PDZD7: variants seen among roughly 807,000 people sequenced by gnomAD.
PDZD7 encodes PDZ domain-containing protein 7.
A neutral mutation model predicts 84.7 loss-of-function variants in PDZD7; 72 were observed. That is an observed-to-expected ratio of 0.85 (90% CI 0.70 to 1.03). The LOEUF (loss-of-function observed/expected upper bound fraction) is 1.03. Among genes scored for constraint, PDZD7 ranks in the 50% least tolerant of loss-of-function variants. The pLI is 0.00. For synonymous variants in PDZD7, 594 were observed against 580.7 expected (o/e 1.02, Z -0.33); for missense variants, 1,490 against 1,412.9 (o/e 1.05, Z -0.87).
At position 101,029,974 on chromosome 10, in the gene PDZD7, T is replaced by A; in HGVS notation, c.226+20A>T. The A allele has an allele frequency of 1.4e-6, 2 of 1,440,728 alleles. No homozygotes were observed. Among genetic ancestry groups the A allele is most frequent in the East Asian group, 5.0e-5 (2 of 39,940 alleles). The allele number at this position is 1,440,728 out of a possible 1,614,324, so 89.2% of individuals were successfully genotyped here. A position where few individuals can be genotyped will look rare whatever the true frequency, so the allele number is the denominator to read the frequency against. The stretch of plus-strand genomic sequence containing the variant: ...CCCCACCCTCCCCAACCCAGGCCAG[T>A]GGCTGGGTCCCGCCCCTACCTTCGA... On this transcript the variant is annotated intron_variant, in intron 2 of 16. Coordinates refer to ENST00000619208, the MANE Select transcript of PDZD7 (RefSeq NM_001195263.2).
intron 14 of PDZD7, 200 bp from the exon 15 acceptor site, chr10:101,011,083 G>A: frequency 7.1e-7 from 1 of 1,414,206 alleles, no homozygotes; most frequent in South Asian, 1.5e-5. Flanking sequence ...ATCTCACTCT[G>A]TTGCCCAGGC....
At chr10:101,008,940 C>A in intron 16 of PDZD7, 90 bp from the exon 17 acceptor site, 1 of 1,399,842 alleles carries the variant, frequency 7.1e-7, no homozygotes, top group South Asian at 1.5e-5. Context: ...TCACCTCCAC[C>A]CATGAGGACA....
chr10:101,019,586 CTCTTCT>C (rs1187649427), intron 7 of PDZD7, among the ~76,000 whole-genome samples: 39 of 126,670 alleles, frequency 3.1e-4, no homozygotes, highest in African/African-American at 1.1e-3. Flanking sequence ...CCTCCTCCTC[CTCTTCT>C]TCTTCTTCTT....
At chr10:101,028,662 G>GGA (rs1279984131) in intron 2 of PDZD7, among the ~76,000 whole-genome samples, 1 of 152,024 alleles carries the variant, frequency 6.6e-6, no homozygotes, top group Non-Finnish European at 1.5e-5. Flanking sequence ...AAAGGGAAGG[G>GGA]GAGAGAGAGA....
Position 101,010,480 on chromosome 10 carries a change from AG to A in PDZD7, c.2408del (p.Pro803LeufsTer5). On this transcript the variant is annotated frameshift_variant, in exon 15 of 17. Coordinates refer to ENST00000619208, the MANE Select transcript of PDZD7 (RefSeq NM_001195263.2). LOFTEE classifies it high-confidence loss of function. ...GRRSPSPVPT[P>X]APSMTNGRYH... is the part of the protein sequence containing the mutation. ...AGCGCCCATTGGTCATGCTGGGGGC[AG>A]GGGTAGGCACCGGGGATGGGGAGCG... is the stretch of plus-strand genomic sequence containing the variant. 1 of 1,535,238 alleles carries A rather than the reference AG, an allele frequency of 6.5e-7. No homozygotes were observed. Among genetic ancestry groups the A allele is most frequent in the Non-Finnish European group, 8.7e-7 (1 of 1,146,312 alleles).
At position 101,018,086 on chromosome 10, in the gene PDZD7, G is replaced by A; in HGVS notation, c.1522+13C>T. 6.2e-7 allele frequency: 1 copy of A among 1,614,134 alleles called. No individual in the cohort carries two copies. Among genetic ancestry groups the A allele is most frequent in the South Asian group, 1.1e-5 (1 of 91,086 alleles). ...TTCACTTTGCCTTCCTGTTTGATCA[G>A]CCCACTACTTACCTTTCTCTATGTC... On this transcript the variant is annotated intron_variant, in intron 9 of 16. Coordinates refer to ENST00000619208, the MANE Select transcript of PDZD7 (RefSeq NM_001195263.2).
intron 15 of PDZD7, among the ~76,000 whole-genome samples, chr10:101,009,827 G>C (rs1036718582): frequency 2.0e-5 from 3 of 152,018 alleles, no homozygotes; most frequent in South Asian, 2.1e-4. Context: ...GGCTGGTCTT[G>C]AACTCCTGAC....
At chr10:101,021,657 A>G in intron 6 of PDZD7, 141 bp downstream of exon 6, 1 of 1,342,274 alleles carries the variant, frequency 7.5e-7, no homozygotes. Flanking sequence ...TTCTTCTTCA[A>G]AACAGGGATG....
rs750975516 is a variant in PDZD7, at chr10:101,023,469, G to A, written c.509C>T (p.Pro170Leu). ...HMMVRRMGRV[P>L]GIKFSKEKTT... ...CTTCTCCTTGGAGAACTTGATGCCC[G>A]GCACACGGCCCATGCGCCGAACCAT... Residue 170 changes from proline (P) to leucine (L), a missense_variant, in exon 4 of 17, where the codon CCG (proline) becomes CTG (leucine). Physicochemically the swap from Pro to Leu is moderately conservative, Grantham distance 98. Transcript: ENST00000619208. 30 of 1,613,912 alleles carry A rather than the reference G, an allele frequency of 1.9e-5. No homozygotes were observed. The highest frequency in any genetic ancestry group is 3.3e-5 in the Admixed American group (2 of 59,980).
intron 2 of PDZD7, among the ~76,000 whole-genome samples, chr10:101,028,209 G>T (rs191666933): frequency 6.6e-6 from 1 of 152,336 alleles, no homozygotes; most frequent in Non-Finnish European, 1.5e-5. Context: ...ACTGCTAGGA[G>T]ATGCTGCTTC....
chr10:101,018,829 G>A lies in PDZD7; in HGVS notation c.1317C>T (p.Thr439=), dbSNP rs1188240783. The part of the protein sequence containing the change: ...PPITRSQSYL[T]LWEEKQQRKK... ...CACCCATCCCCCACGTACCCCACAA[G>A]GTCAGATAGCTCTGGGAGCGCGTGA... is the stretch of plus-strand genomic sequence containing the variant. Residue 439 remains threonine, a synonymous_variant, in exon 8 of 17, where the codon ACC becomes ACT. Transcript: ENST00000619208. 2.5e-6 allele frequency: 4 copies of A among 1,597,048 alleles called. No individual in the cohort carries two copies. Among genetic ancestry groups the A allele is most frequent in the Non-Finnish European group, 3.4e-6 (4 of 1,170,082 alleles).
chr10:101,025,549 T>TATTG (rs1937635390), intron 2 of PDZD7, among the ~76,000 whole-genome samples: 1 of 150,382 alleles, frequency 6.6e-6, no homozygotes. Flanking sequence ...TTTATTTATT[T>TATTG]ATTTATTTAT....
In PDZD7 at chr10:101,026,169, T is replaced by C. The variant is rs556080755; in HGVS notation, c.227-2101A>G. On this transcript the variant is annotated intron_variant, in intron 2 of 16. Transcript: ENST00000619208. ...TTTTTTTTTGAGACGGAATCTCGCT[T>C]CTTCTCCCAGGCTGGAGTGCAATGG... is the stretch of plus-strand genomic sequence containing the variant. Among the ~76,000 whole-genome samples, 13 of 151,774 alleles carry C rather than the reference T, an allele frequency of 8.6e-5. No homozygotes were observed. The East Asian group carries it at 2.5e-3, about 30-fold the overall frequency.
chr10:101,013,063 G>A (rs1299093472), intron 11 of PDZD7, among the ~76,000 whole-genome samples: 2 of 152,204 alleles, frequency 1.3e-5, no homozygotes, highest in Non-Finnish European at 2.9e-5. Context: ...ATGGGCACAG[G>A]CACAGAGACA....
intron 11 of PDZD7, among the ~76,000 whole-genome samples, chr10:101,015,177 C>T (rs1267074570): frequency 6.6e-6 from 1 of 152,232 alleles, no homozygotes; most frequent in East Asian, 1.9e-4. Context: ...GCCAGGCTTA[C>T]TGGCTGACCT....
Position 101,010,548 on chromosome 10 carries a change from G to GGCTGCA in PDZD7, c.2340_2341insTGCAGC (p.Ser780_Arg781insCysSer), listed in dbSNP as rs2133998827. On this transcript the variant is annotated inframe_insertion, in exon 15 of 17. Coordinates refer to ENST00000619208, the MANE Select transcript of PDZD7 (RefSeq NM_001195263.2). ...CCTTGACCCCGGCTGCTGCGGCTGC[G>GGCTGCA]GCTGCGGCTACGGCTGCGGCTACGG... 6.6e-7 allele frequency: 1 copy of GGCTGCA among 1,524,634 alleles called. No individual in the cohort carries two copies. Among genetic ancestry groups the GGCTGCA allele is most frequent in the Non-Finnish European group, 8.8e-7 (1 of 1,138,028 alleles). 94.4% of individuals were successfully genotyped at this position (1,524,634 alleles called of 1,614,324 possible).
Position 101,018,798 on chromosome 10 carries a change from A to C in PDZD7, c.1324+24T>G, listed in dbSNP as rs1297501064. 3 of 1,563,130 alleles carry C rather than the reference A, an allele frequency of 1.9e-6. No individual in the cohort carries two copies. The African/African-American group carries it at 4.0e-5, about 21-fold the overall frequency. ...TTGGACCAGAGGCTGTGGAGGGAGC[A>C]GCCGCCACCCATCCCCCACGTACCC... On this transcript the variant is annotated intron_variant, in intron 8 of 16. Coordinates refer to ENST00000619208, the MANE Select transcript of PDZD7 (RefSeq NM_001195263.2).
chr10:101,026,295 G>A (rs755775997), intron 2 of PDZD7, among the ~76,000 whole-genome samples: 44 of 151,912 alleles, frequency 2.9e-4, no homozygotes, highest in Non-Finnish European at 4.0e-4. Flanking sequence ...CCACCATGCC[G>A]GGCAAATTTT....
At chr10:101,010,162 TG>T in intron 15 of PDZD7, 109 bp downstream of exon 15, 1 of 1,337,876 alleles carries the variant, frequency 7.5e-7, no homozygotes, top group Non-Finnish European at 9.8e-7. Flanking sequence ...CCCAAAGTGC[TG>T]GGGTTACAGG....
Sources: gnomAD v4.1 joint callset for allele counts (sites outside exome capture counted in the v4.1 genomes callset) on GRCh38, gnomAD v4.1.1 for gene constraint, MANE v1.5 for transcripts, NCBI Gene and HGNC (gene_info 2026-07-23, HGNC 2026-07-21) for gene names.